The following PCDHA6 variants were observed in gnomAD, a reference collection of about 807,000 sequenced individuals.
PCDHA6 encodes protocadherin alpha 6.
In PCDHA6, 55 loss-of-function variants were observed where a neutral mutation model predicts 60.3. That is an observed-to-expected ratio of 0.91 (90% confidence interval 0.73 to 1.14). The LOEUF (loss-of-function observed/expected upper bound fraction) is 1.14, where lower values mean the gene tolerates loss of function less well. Ranked by LOEUF, PCDHA6 falls within the 50% of genes most tolerant of loss-of-function variation. The probability of loss-of-function intolerance (pLI) is 0.00; values close to 1 mark genes in which losing one functional copy is unlikely to be tolerated. For missense variants in PCDHA6, 1,327 were observed against 1,256.5 expected (o/e 1.06, Z -0.85); for synonymous variants, 652 against 557.9 (o/e 1.17, Z -2.38).
At chr5:140,917,326 G>GA (rs1425389614) in intron 1 of PCDHA6, among the ~76,000 whole-genome samples, 3 of 149,490 alleles carry the variant, frequency 2.0e-5, no homozygotes, top group Non-Finnish European at 4.5e-5. Flanking sequence ...TCATGTGGCG[G>GA]GGGAGGGGGG....
At chr5:140,927,359 A>G in intron 1 of PCDHA6, 2 of 1,613,980 alleles carry the variant, frequency 1.2e-6, no homozygotes, top group Middle Eastern at 1.6e-4. Flanking sequence ...GAGGGAAGCA[A>G]TGGGATACTA....
In PCDHA6 at chr5:140,873,562, T is replaced by C. The variant is rs2054348263; in HGVS notation, c.2394+43077T>C. On this transcript the variant is annotated intron_variant, in intron 1 of 3. Coordinates refer to ENST00000529310, the MANE Select transcript of PCDHA6 (RefSeq NM_018909.4). ...AAAATTATAATTTCAATTTATTTTCTAGTTTGGTTGTTTAAGTATTAAGCT... is the reference window on the plus strand; with the variant it reads ...AAAATTATAATTTCAATTTATTTTCCAGTTTGGTTGTTTAAGTATTAAGCT... Among the ~76,000 whole-genome samples, 7 of 149,812 alleles carry C rather than the reference T, an allele frequency of 4.7e-5. No individual in the cohort carries two copies. In the South Asian group the frequency reaches 1.5e-3, roughly 31 times the overall value.
intron 3 of PCDHA6, among the ~76,000 whole-genome samples, chr5:140,987,991 T>C (rs1243117535): frequency 6.6e-6 from 1 of 152,232 alleles, no homozygotes; most frequent in Non-Finnish European, 1.5e-5. Context: ...ACTCCATCTC[T>C]GATCCTTCCC....
chr5:140,854,193 C>T (rs989719684), intron 1 of PCDHA6: 2 of 563,742 alleles, frequency 3.5e-6, no homozygotes, highest in African/African-American at 2.1e-5. Flanking sequence ...TTTAACTACT[C>T]CCTACTTTTT....
intron 1 of PCDHA6, among the ~76,000 whole-genome samples, chr5:140,886,716 C>T (rs1160663504): frequency 1.3e-5 from 2 of 151,034 alleles, no homozygotes; most frequent in Non-Finnish European, 2.9e-5. Flanking sequence ...ATCCCAGCTA[C>T]TTGGGAGGCT....
intron 1 of PCDHA6, chr5:140,857,767 C>T: frequency 6.3e-7 from 1 of 1,597,458 alleles, no homozygotes; most frequent in Non-Finnish European, 8.6e-7. Context: ...GCAGCGCGGG[C>T]GGTGCAGTCA....
intron 3 of PCDHA6, among the ~76,000 whole-genome samples, chr5:140,993,344 A>G (rs1379621962): frequency 1.3e-5 from 2 of 152,022 alleles, no homozygotes; most frequent in Admixed American, 6.6e-5. Context: ...GAAGGGCACT[A>G]CGAAGATCCT....
chr5:140,998,569 GT>G (rs71574497), intron 3 of PCDHA6, among the ~76,000 whole-genome samples: 30,440 of 149,318 alleles, frequency 0.2, 3,131 homozygotes, highest in Middle Eastern at 0.33. Flanking sequence ...TTGTAAATAA[GT>G]TTTTTTTTTT....
chr5:140,843,751 T>A (rs2150366147), intron 1 of PCDHA6: 1 of 1,519,852 alleles, frequency 6.6e-7, no homozygotes, highest in Non-Finnish European at 9.0e-7. Context: ...ATAAATTCTA[T>A]TTGTGGAAAT....
chr5:140,876,148 G>A, intron 1 of PCDHA6: 1 of 1,613,954 alleles, frequency 6.2e-7, no homozygotes, highest in East Asian at 2.2e-5. Context: ...AACAGGGTCT[G>A]TCCAGATTCA....
intron 1 of PCDHA6, among the ~76,000 whole-genome samples, chr5:140,916,356 G>A (rs2077538770): frequency 6.6e-6 from 1 of 152,202 alleles, no homozygotes; most frequent in Admixed American, 6.5e-5. Context: ...TCAAACAGAA[G>A]GAGTCTTTCA....
chr5:140,899,019 G>A (rs2067099712), intron 1 of PCDHA6, among the ~76,000 whole-genome samples: 1 of 151,834 alleles, frequency 6.6e-6, no homozygotes, highest in African/African-American at 2.4e-5. Flanking sequence ...AAGAATGCTT[G>A]TGATTTTTGT....
At chr5:140,950,389 T>C (rs269550) in intron 1 of PCDHA6, among the ~76,000 whole-genome samples, 33,984 of 151,960 alleles carry the variant, frequency 0.22, 4,900 homozygotes, top group African/African-American at 0.41. Context: ...TTGAATGATA[T>C]AGAATTCTGG....
intron 3 of PCDHA6, among the ~76,000 whole-genome samples, chr5:140,992,189 G>T (rs1554252741): frequency 6.6e-6 from 1 of 152,098 alleles, no homozygotes; most frequent in Non-Finnish European, 1.5e-5. Context: ...TGCTTTCAGT[G>T]ATCTATCCAA....
intron 3 of PCDHA6, 155 bp downstream of exon 3, chr5:140,982,718 T>A: frequency 1.1e-6 from 1 of 924,050 alleles, no homozygotes; most frequent in Non-Finnish European, 1.3e-6. Flanking sequence ...CATATATGAT[T>A]ATTTTGATTT....
In PCDHA6 at chr5:140,877,128, G is replaced by T. The variant is rs782052511; in HGVS notation, c.2394+46643G>T. On this transcript the variant is annotated intron_variant, in intron 1 of 3. Coordinates refer to ENST00000529310, the MANE Select transcript of PCDHA6 (RefSeq NM_018909.4). ...CTCTGGGCAGCAACGTGACGCTGCA[G>T]GTGTTCGTGCTGGACGAGAACGACA... is the stretch of plus-strand genomic sequence containing the variant. 3.1e-6 allele frequency: 5 copies of T among 1,613,644 alleles called. No homozygotes were observed. The African/African-American group carries it at 5.3e-5, about 17-fold the overall frequency.
intron 1 of PCDHA6, among the ~76,000 whole-genome samples, chr5:140,893,926 C>G (rs1481035774): frequency 6.6e-6 from 1 of 152,180 alleles, no homozygotes; most frequent in Non-Finnish European, 1.5e-5. Context: ...TTTTCAGAAT[C>G]TCTACCTGTT....
chr5:140,983,275 A>C (rs1279699182), intron 3 of PCDHA6, among the ~76,000 whole-genome samples: 1 of 152,230 alleles, frequency 6.6e-6, no homozygotes, highest in Non-Finnish European at 1.5e-5. Flanking sequence ...TGGCTGGGTG[A>C]GTATAGGAAA....
intron 1 of PCDHA6, chr5:140,841,417 C>T (rs1242106171): frequency 1.2e-6 from 2 of 1,612,932 alleles, no homozygotes; most frequent in African/African-American, 1.3e-5. Flanking sequence ...GCCAGCTCCA[C>T]TACTCCGTCC....
Sources: gnomAD v4.1 joint callset for allele counts (sites outside exome capture counted in the v4.1 genomes callset) on GRCh38, gnomAD v4.1.1 for gene constraint, MANE v1.5 for transcripts, NCBI Gene and HGNC (gene_info 2026-07-23, HGNC 2026-07-21) for gene names.